AR: variants seen among roughly 807,000 people sequenced by gnomAD.
The protein encoded by AR is dihydrotestosterone receptor.
AR carries 8 observed loss-of-function variants against 53.9 expected under a neutral mutation model. That is an observed-to-expected ratio of 0.15 (90% CI 0.09 to 0.27). AR has a LOEUF of 0.27. Among genes scored for constraint, AR ranks in the 10% least tolerant of loss-of-function variants. AR has a pLI of 1.00. For missense variants in AR, 639 were observed against 742.5 expected, an observed-to-expected ratio of 0.86 and a Z score of 1.62; for synonymous variants, 359 against 316.4, an observed-to-expected ratio of 1.13 and a Z score of -1.43.
chrX:67,553,732 T>C (rs1297145824), intron 1 of AR, among the ~76,000 whole-genome samples: 1 of 112,557 alleles, frequency 8.9e-6, no homozygotes, highest in Admixed American at 9.4e-5. Context: ...GTCAACAATT[T>C]TTATTGTTTT....
At chrX:67,574,978 G>T (rs758912811) in intron 1 of AR, among the ~76,000 whole-genome samples, 1 of 110,981 alleles carries the variant, frequency 9.0e-6, no homozygotes, top group African/African-American at 3.3e-5. Context: ...CTTTTTTTCC[G>T]GGGGGGATGA....
chrX:67,606,028 G>A (rs1317737620), intron 1 of AR, among the ~76,000 whole-genome samples: 1 of 111,970 alleles, frequency 8.9e-6, no homozygotes, highest in Non-Finnish European at 1.9e-5. Context: ...GTCGAACAGG[G>A]GAGACAAATA....
At chrX:67,552,291 C>A (rs1930027860) in intron 1 of AR, among the ~76,000 whole-genome samples, 1 of 112,065 alleles carries the variant, frequency 8.9e-6, no homozygotes, top group African/African-American at 3.2e-5. Flanking sequence ...TCTTTTGTGA[C>A]TAGCTTCTTT....
intron 2 of AR, among the ~76,000 whole-genome samples, chrX:67,654,140 C>A (rs765271747): frequency 9.0e-5 from 10 of 110,958 alleles, no homozygotes; most frequent in African/African-American, 2.6e-4. Context: ...GAGCAAATCA[C>A]TTTTGTATGC....
At chrX:67,607,376 T>A (rs989672590) in intron 1 of AR, among the ~76,000 whole-genome samples, 11 of 111,934 alleles carry the variant, frequency 9.8e-5, no homozygotes, top group African/African-American at 3.6e-4. Context: ...AACACTAGTG[T>A]CCAGGCCCTG....
At chrX:67,581,546 T>C (rs1356016469) in intron 1 of AR, among the ~76,000 whole-genome samples, 2 of 111,464 alleles carry the variant, frequency 1.8e-5, no homozygotes, top group African/African-American at 6.5e-5. Context: ...TAGGGAGAGG[T>C]TTATGGTTAT....
chrX:67,631,153 A>T (rs758216347), intron 1 of AR, among the ~76,000 whole-genome samples: 5 of 110,717 alleles, frequency 4.5e-5, no homozygotes, highest in Non-Finnish European at 9.4e-5. Context: ...TCTTTGTGGC[A>T]TTCTCTGTAT....
intron 1 of AR, among the ~76,000 whole-genome samples, chrX:67,605,497 T>A (rs1923579841): frequency 8.9e-6 from 1 of 111,803 alleles, no homozygotes; most frequent in African/African-American, 3.3e-5. Flanking sequence ...TGACTCACCC[T>A]TTTTGCTTAG....
chrX:67,573,996 A>C (rs917681461), intron 1 of AR, among the ~76,000 whole-genome samples: 10 of 112,146 alleles, frequency 8.9e-5, no homozygotes, highest in Non-Finnish European at 1.9e-4. Flanking sequence ...TGGATCTTAT[A>C]GCTGTTGAAG....
chrX:67,677,181 A>C (rs1243331227), intron 2 of AR, among the ~76,000 whole-genome samples: 1 of 111,568 alleles, frequency 9.0e-6, no homozygotes, highest in Non-Finnish European at 1.9e-5. Flanking sequence ...AGGGTTTGCA[A>C]AATAAGATAC....
At chrX:67,649,117 A>G (rs997087494) in intron 2 of AR, among the ~76,000 whole-genome samples, 22 of 111,436 alleles carry the variant, frequency 2.0e-4, no homozygotes, top group African/African-American at 6.9e-4. Context: ...GAGTGAGAAC[A>G]TGCAGTGTTT....
Position 67,546,371 on chromosome X carries a change from G to A in AR, c.1225G>A (p.Gly409Arg), listed in dbSNP as rs939465023. ...WAAAAAQCRY[G>R]DLASLHGAGA... is the part of the protein sequence containing the mutation. ...GGCTGCGGCGGCGCAGTGCCGCTAT[G>A]GGGACCTGGCGAGCCTGCATGGCGC... Residue 409 changes from glycine (G) to arginine (R), a missense_variant, in exon 1 of 8, where the codon GGG becomes AGG. Gly to Arg is a moderately radical substitution (Grantham distance 125). Transcript: ENST00000374690. 15 of 1,184,953 alleles carry A rather than the reference G, an allele frequency of 1.3e-5. No individual in the cohort carries two copies. Among genetic ancestry groups the A allele is most frequent in the Non-Finnish European group, 1.4e-5 (12 of 882,710 alleles).
At chrX:67,567,591 C>A (rs1436301844) in intron 1 of AR, among the ~76,000 whole-genome samples, 1 of 111,035 alleles carries the variant, frequency 9.0e-6, no homozygotes, top group Non-Finnish European at 1.9e-5. Context: ...AGGTTGAAGT[C>A]CACCAATAAG....
intron 1 of AR, among the ~76,000 whole-genome samples, chrX:67,550,755 T>C (rs1468872460): frequency 9.1e-6 from 1 of 110,311 alleles, no homozygotes; most frequent in Non-Finnish European, 1.9e-5. Flanking sequence ...CCATTTTCTC[T>C]TTGTCTGCAG....
At chrX:67,569,182 G>A (rs1158126120) in intron 1 of AR, among the ~76,000 whole-genome samples, 3 of 79,547 alleles carry the variant, frequency 3.8e-5, no homozygotes, top group Non-Finnish European at 6.8e-5. Context: ...ATTTGGGGCA[G>A]AATATAGTGT....
Position 67,724,169 on chromosome X carries a change from GT to G in AR, c.*331del. The G allele has an allele frequency of 3.3e-6, 1 of 301,468 alleles. No homozygotes were observed. The highest frequency in any genetic ancestry group is 5.8e-6 in the Non-Finnish European group (1 of 172,158). The allele number at this position is 301,468 out of a possible 1,213,427, so 24.8% of individuals were successfully genotyped here. On this transcript the variant is annotated 3_prime_UTR_variant, in exon 8 of 8. Transcript: ENST00000374690. ...TATGGCCCAGTGTCAAGTTGTGCTT[GT>G]TTACAGCACTACTCTGTGCCAGCCA...
chrX:67,581,884 G>C (rs1353780945), intron 1 of AR, among the ~76,000 whole-genome samples: 5 of 111,334 alleles, frequency 4.5e-5, no homozygotes, highest in African/African-American at 1.6e-4. Flanking sequence ...TCTAGGAAGG[G>C]AGAATGTGAA....
intron 1 of AR, among the ~76,000 whole-genome samples, chrX:67,583,979 G>A (rs889241702): frequency 7.1e-5 from 8 of 112,134 alleles, no homozygotes; most frequent in East Asian, 5.6e-4. Context: ...CATAGTAAAC[G>A]CAAAGCACAG....
At chrX:67,649,959 A>G (rs1316652062) in intron 2 of AR, among the ~76,000 whole-genome samples, 3 of 111,624 alleles carry the variant, frequency 2.7e-5, no homozygotes, top group Non-Finnish European at 3.8e-5. Context: ...CCCATTCACA[A>G]TTGCTACAAA....
Sources: gnomAD v4.1 joint callset for allele counts (sites outside exome capture counted in the v4.1 genomes callset) on GRCh38, gnomAD v4.1.1 for gene constraint, MANE v1.5 for transcripts, NCBI Gene and HGNC (gene_info 2026-07-23, HGNC 2026-07-21) for gene names.